Variants in FOXP1 observed in about 807,000 individuals in gnomAD.
FOXP1 encodes the protein forkhead box P1, also known as forkhead box protein P1.
FOXP1 carries 15 observed loss-of-function variants against 98.2 expected under a neutral mutation model. That is an observed-to-expected ratio of 0.15 (90% CI 0.10 to 0.24). FOXP1 has a LOEUF of 0.24. FOXP1 is among the 10% of genes least tolerant of loss of function. The pLI, the probability that FOXP1 is intolerant of heterozygous loss-of-function variation, is 1.00. For synonymous variants in FOXP1, 371 were observed against 314.5 expected, an observed-to-expected ratio of 1.18 and a Z score of -1.90; for missense variants, 633 against 848.5, an observed-to-expected ratio of 0.75 and a Z score of 3.15.
chr3:71,349,181 A>G (rs1198349909), intron 4 of FOXP1, among the ~76,000 whole-genome samples: 2 of 152,224 alleles, frequency 1.3e-5, no homozygotes, highest in Non-Finnish European at 2.9e-5. Context: ...ATAATTTCCA[A>G]GCCTTAAAAG....
chr3:71,061,085 T>C (rs570730734), intron 7 of FOXP1, among the ~76,000 whole-genome samples: 8 of 152,172 alleles, frequency 5.3e-5, no homozygotes, highest in Non-Finnish European at 1.0e-4. Flanking sequence ...AGCTAAGAGA[T>C]ACCTGAGTTT....
rs112681983 is a variant in FOXP1 at position 71,406,403 on chromosome 3, G to GTATATATATATATATATATA, written c.-167-47160_-167-47159insTATATATATATATATATATA. ...TTTAATTGACACATAATAACTGTAT[G>GTATATATATATATATATATA]TGTATATATATATATATATATGGTA... On this transcript the variant is annotated intron_variant, in intron 3 of 20. Coordinates refer to ENST00000649528, the MANE Select transcript of FOXP1 (RefSeq NM_001349338.3). 5.8e-3 allele frequency among the ~76,000 whole-genome samples: 623 copies of GTATATATATATATATATATA among 107,810 alleles called. 37 individuals are homozygous for GTATATATATATATATATATA. The highest frequency in any genetic ancestry group is 0.011 in the Non-Finnish European group (509 of 46,062). 70.7% of individuals were successfully genotyped at this position (107,810 alleles called of 152,430 possible).
chr3:71,043,614 C>G (rs1163572672), intron 10 of FOXP1, among the ~76,000 whole-genome samples: 1 of 152,150 alleles, frequency 6.6e-6, no homozygotes, highest in East Asian at 1.9e-4. Flanking sequence ...CACAAGTCAA[C>G]ATCTATTTTT....
intron 3 of FOXP1, among the ~76,000 whole-genome samples, chr3:71,390,754 G>T (rs76222772): frequency 0.036 from 5,426 of 152,242 alleles, 339 homozygotes; most frequent in African/African-American, 0.12. Context: ...GTTAAAAACG[G>T]TTAAATAAGA....
intron 2 of FOXP1, among the ~76,000 whole-genome samples, chr3:71,503,113 G>A (rs1200324004): frequency 6.6e-6 from 1 of 152,086 alleles, no homozygotes; most frequent in Non-Finnish European, 1.5e-5. Context: ...AAAACCAATG[G>A]TCCCTGAAGT....
intron 7 of FOXP1, among the ~76,000 whole-genome samples, chr3:71,064,563 G>A (rs2107321458): frequency 6.6e-6 from 1 of 152,070 alleles, no homozygotes; most frequent in South Asian, 2.1e-4. Context: ...AAGAGCAAGG[G>A]GGGTGGGGGG....
At chr3:71,095,199 T>C (rs1174756292) in intron 7 of FOXP1, among the ~76,000 whole-genome samples, 1 of 152,212 alleles carries the variant, frequency 6.6e-6, no homozygotes, top group Non-Finnish European at 1.5e-5. Context: ...TGTTCATAAG[T>C]CAAAAAATAT....
intron 3 of FOXP1, among the ~76,000 whole-genome samples, chr3:71,387,673 A>C (rs929871880): frequency 2.6e-5 from 4 of 152,240 alleles, no homozygotes; most frequent in African/African-American, 9.6e-5. Flanking sequence ...CTTAAAAGCG[A>C]TATATGCATG....
intron 3 of FOXP1, among the ~76,000 whole-genome samples, chr3:71,396,916 G>GTATATATATATATACACACATATATATA (rs2081417615): frequency 1.1e-5 from 1 of 89,394 alleles, no homozygotes; most frequent in Non-Finnish European, 2.3e-5. Flanking sequence ...ATATATATGT[G>GTATATATATATATACACACATATATATA]TGTATATATA....
At chr3:71,064,843 C>T in intron 7 of FOXP1, 2 of 983,104 alleles carry the variant, frequency 2.0e-6, no homozygotes, top group African/African-American at 1.8e-5. Context: ...TCCATGTAGC[C>T]GCCAGGCGCG....
chr3:71,468,993 C>T (rs2089060486), intron 3 of FOXP1, among the ~76,000 whole-genome samples: 1 of 152,174 alleles, frequency 6.6e-6, no homozygotes, highest in South Asian at 2.1e-4. Context: ...CTGTCGAATA[C>T]TTCCAACTCA....
At position 70,975,026 on chromosome 3, in the gene FOXP1, T is replaced by C. The variant is rs1212692740; in HGVS notation, c.1530+1915A>G. On this transcript the variant is annotated intron_variant, in intron 17 of 20. Transcript: ENST00000649528. ...AACCTTAACTGGGCATTTCATCTTT[T>C]GTCTAAGATCATGGTACAAACAAGG... is the stretch of plus-strand genomic sequence containing the variant. Among the ~76,000 whole-genome samples, 6 of 152,324 alleles carry C rather than the reference T, an allele frequency of 3.9e-5. 1 individual carries two copies. The Middle Eastern group carries it at 0.01, about 259-fold the overall frequency.
rs748736809 is a variant in FOXP1 at position 70,954,973 on chromosome 3, C to A, written c.*4274G>T. ...CCGGACTGTATCATCTTCATCAAGG[C>A]TTATGGGTAGCAGAGATTGCGTGAG... On this transcript the variant is annotated 3_prime_UTR_variant, in exon 21 of 21. Coordinates refer to ENST00000649528, the MANE Select transcript of FOXP1 (RefSeq NM_001349338.3). 8 of 232,626 alleles carry A rather than the reference C, an allele frequency of 3.4e-5. No homozygotes were observed. In the East Asian group the frequency reaches 4.8e-4, roughly 14 times the overall value. The allele number at this position is 232,626 out of a possible 1,614,324, so 14.4% of individuals were successfully genotyped here. A position where few individuals can be genotyped will look rare whatever the true frequency, so the allele number is the denominator to read the frequency against.
intron 5 of FOXP1, among the ~76,000 whole-genome samples, chr3:71,200,083 CAAA>C (rs61281811): frequency 2.1e-4 from 16 of 76,108 alleles, no homozygotes; most frequent in African/African-American, 6.3e-4. Flanking sequence ...CTCCATCTCA[CAAA>C]AAAAAAAAAA....
intron 2 of FOXP1, among the ~76,000 whole-genome samples, chr3:71,529,692 G>T (rs148150312): frequency 4.6e-4 from 70 of 152,298 alleles, no homozygotes; most frequent in African/African-American, 1.6e-3. Flanking sequence ...AGAAGGATGG[G>T]ATTTGGAGAG....
chr3:71,424,492 T>C (rs13076017), intron 3 of FOXP1, among the ~76,000 whole-genome samples: 1 of 152,014 alleles, frequency 6.6e-6, no homozygotes, highest in South Asian at 2.1e-4. Flanking sequence ...GACTCTAAAT[T>C]TGTGATATTT....
intron 4 of FOXP1, among the ~76,000 whole-genome samples, chr3:71,300,556 C>T (rs1317629811): frequency 1.3e-5 from 2 of 152,208 alleles, no homozygotes; most frequent in Non-Finnish European, 2.9e-5. Flanking sequence ...TTTTACCCCA[C>T]ATCCTACTCC....
At chr3:71,512,332 A>T (rs1577939256) in intron 2 of FOXP1, among the ~76,000 whole-genome samples, 1 of 152,144 alleles carries the variant, frequency 6.6e-6, no homozygotes, top group African/African-American at 2.4e-5. Flanking sequence ...TCTCAGGAGA[A>T]GATTTAAGAG....
At chr3:71,022,052 AC>A (rs2045519223) in intron 11 of FOXP1, among the ~76,000 whole-genome samples, 1 of 152,198 alleles carries the variant, frequency 6.6e-6, no homozygotes, top group Non-Finnish European at 1.5e-5. Context: ...ACAAAGAGTT[AC>A]TTCTAGCTTT....
Sources: gnomAD v4.1 joint callset for allele counts (sites outside exome capture counted in the v4.1 genomes callset) on GRCh38, gnomAD v4.1.1 for gene constraint, MANE v1.5 for transcripts, NCBI Gene and HGNC (gene_info 2026-07-23, HGNC 2026-07-21) for gene names.